The following TCF4 variants were observed in gnomAD, a reference collection of about 807,000 sequenced individuals.
The protein encoded by TCF4 is SL3-3 enhancer factor 2.
A neutral mutation model predicts 82.1 loss-of-function variants in TCF4; 3 were observed. The observed-to-expected ratio is 0.04, with a 90% confidence interval of 0.02 to 0.09. TCF4 has a LOEUF of 0.09. Among genes scored for constraint, TCF4 ranks in the 10% least tolerant of loss-of-function variants. The pLI is 1.00. For missense variants in TCF4, 518 were observed against 852.7 expected (o/e 0.61, Z 4.89); for synonymous variants, 276 against 309.6 (o/e 0.89, Z 1.14).
chr18:55,380,422 C>T (rs750132163), intron 6 of TCF4, among the ~76,000 whole-genome samples: 2 of 152,080 alleles, frequency 1.3e-5, no homozygotes, highest in African/African-American at 2.4e-5. Flanking sequence ...CTCCCCTCGT[C>T]CCCCACCGCT....
chr18:55,276,574 C>T (rs2061534607), intron 9 of TCF4, among the ~76,000 whole-genome samples: 1 of 152,126 alleles, frequency 6.6e-6, no homozygotes, highest in Non-Finnish European at 1.5e-5. Context: ...TATTGGCCTA[C>T]AGGTTATTAT....
intron 2 of TCF4, among the ~76,000 whole-genome samples, chr18:55,631,018 G>A (rs1460408553): frequency 6.6e-6 from 1 of 151,208 alleles, no homozygotes; most frequent in East Asian, 1.9e-4. Flanking sequence ...TTGGACATAT[G>A]CAACATGTTT....
intron 2 of TCF4, among the ~76,000 whole-genome samples, chr18:55,611,027 GAAAT>G: frequency 6.6e-6 from 1 of 152,326 alleles, no homozygotes; most frequent in South Asian, 2.1e-4. Flanking sequence ...AGCTGACTGA[GAAAT>G]AAGAGCAGAA....
chr18:55,544,518 C>T (rs1603620575), intron 3 of TCF4, among the ~76,000 whole-genome samples: 1 of 152,214 alleles, frequency 6.6e-6, no homozygotes, highest in African/African-American at 2.4e-5. Flanking sequence ...AGAATAAAAC[C>T]CCAAGATTCT....
At chr18:55,468,896 G>C (rs980680818) in intron 3 of TCF4, among the ~76,000 whole-genome samples, 1 of 96,056 alleles carries the variant, frequency 1.0e-5, no homozygotes, top group Non-Finnish European at 2.2e-5. Context: ...CCCCCCCCTT[G>C]TTCTATTGCC....
upstream of TCF4, chr18:55,589,906 GA>G: frequency 1.1e-6 from 1 of 918,608 alleles, no homozygotes; most frequent in Non-Finnish European, 1.3e-6. Flanking sequence ...AGCGCCTAGA[GA>G]GGCGGCCAAG....
At chr18:55,376,868 G>A (rs1458463507) in intron 6 of TCF4, among the ~76,000 whole-genome samples, 1 of 152,142 alleles carries the variant, frequency 6.6e-6, no homozygotes, top group Non-Finnish European at 1.5e-5. Context: ...TTTACAGATG[G>A]TAGAGAAACC....
intron 3 of TCF4, among the ~76,000 whole-genome samples, chr18:55,511,331 T>TAAAAAAAAAAAAAAAAA (rs59685050): frequency 1.5e-5 from 2 of 131,396 alleles, no homozygotes; most frequent in African/African-American, 2.8e-5. Flanking sequence ...TCCAAAAGTT[T>TAAAAAAAAAAAAAAAAA]AAAAAAAAAA....
At position 55,395,503 on chromosome 18, in the gene TCF4, A is replaced by G. The variant is rs141282761; in HGVS notation, c.369+7951T>C. On this transcript the variant is annotated intron_variant, in intron 6 of 19. Transcript: ENST00000354452. ...CTCAAAGCAATTTCAATGGCTTTTTATGCACTAACTGCCTGAACTGTTGTT... is the reference window on the plus strand; with the variant it reads ...CTCAAAGCAATTTCAATGGCTTTTTGTGCACTAACTGCCTGAACTGTTGTT... Among the ~76,000 whole-genome samples, 196 of 152,324 alleles carry G rather than the reference A, an allele frequency of 1.3e-3. 1 individual carries two copies. The highest frequency in any genetic ancestry group is 4.3e-3 in the African/African-American group (180 of 41,584).
intron 6 of TCF4, among the ~76,000 whole-genome samples, chr18:55,381,910 GT>G (rs770720823): frequency 2.7e-3 from 381 of 143,444 alleles, no homozygotes; most frequent in East Asian, 9.1e-3. Context: ...CTCTAGAAGG[GT>G]TTTTTTTTTT....
In TCF4 at chr18:55,327,489, CTAATT is replaced by C. The variant is rs530280549; in HGVS notation, c.549+22865_549+22869del. On this transcript the variant is annotated intron_variant, in intron 8 of 19. Coordinates refer to ENST00000354452, the MANE Select transcript of TCF4 (RefSeq NM_001083962.2). ...AAAATATCAGCGTAAACTGTGAAAT[CTAATT>C]TTATTTGTGTCTTTTTTAGTGACTT... Among the ~76,000 whole-genome samples the C allele has an allele frequency of 7.6e-4, 115 of 152,196 alleles. 1 individual carries two copies. The highest frequency in any genetic ancestry group is 2.7e-3 in the African/African-American group (111 of 41,562).
At chr18:55,275,985 GAAC>G (rs2061438405) in intron 9 of TCF4, among the ~76,000 whole-genome samples, 1 of 152,064 alleles carries the variant, frequency 6.6e-6, no homozygotes. Flanking sequence ...AACTGTAAAA[GAAC>G]AACAGAGTAT....
chr18:55,532,132 C>A (rs1210707266), intron 3 of TCF4, among the ~76,000 whole-genome samples: 5 of 152,126 alleles, frequency 3.3e-5, no homozygotes, highest in Non-Finnish European at 5.9e-5. Context: ...TCATTTTAAG[C>A]CACATAAGGT....
chr18:55,277,128 G>A (rs1343191732), intron 9 of TCF4, among the ~76,000 whole-genome samples: 1 of 152,030 alleles, frequency 6.6e-6, no homozygotes, highest in Non-Finnish European at 1.5e-5. Flanking sequence ...GAATTCTCAG[G>A]GCACCAAGTA....
chr18:55,509,334 G>GAC lies in TCF4; in HGVS notation c.146-45199_146-45198dup, dbSNP rs35790117. 1.2e-3 allele frequency among the ~76,000 whole-genome samples: 178 copies of GAC among 150,186 alleles called. 2 individuals carry two copies. Among genetic ancestry groups the GAC allele is most frequent in the African/African-American group, 2.8e-3 (116 of 40,946 alleles). ...GCAACATAAAACACTCACACAGACA[G>GAC]ACACACACACACACACACACAAACA... On this transcript the variant is annotated intron_variant, in intron 3 of 19. Transcript: ENST00000354452.
intron 3 of TCF4, among the ~76,000 whole-genome samples, chr18:55,582,299 C>T (rs574950830): frequency 1.4e-4 from 22 of 152,158 alleles, no homozygotes; most frequent in African/African-American, 5.3e-4. Flanking sequence ...AATGATATAA[C>T]GGATATTAAA....
chr18:55,362,297 C>A (rs552397619), intron 6 of TCF4, among the ~76,000 whole-genome samples: 2 of 142,448 alleles, frequency 1.4e-5, no homozygotes, highest in Admixed American at 1.5e-4. Context: ...GCCTGGGCAA[C>A]AGAATGAGAC....
chr18:55,272,462 C>T (rs141190923), intron 10 of TCF4, among the ~76,000 whole-genome samples: 34 of 152,110 alleles, frequency 2.2e-4, no homozygotes, highest in Non-Finnish European at 4.4e-5. Context: ...TGACAAAGTG[C>T]GAGGCTTTAC....
At chr18:55,308,329 G>T (rs1255259509) in intron 8 of TCF4, among the ~76,000 whole-genome samples, 3 of 152,178 alleles carry the variant, frequency 2.0e-5, no homozygotes. Flanking sequence ...ATTGCATGCT[G>T]CTGGGGACTG....
Sources: gnomAD v4.1 joint callset for allele counts (sites outside exome capture counted in the v4.1 genomes callset) on GRCh38, gnomAD v4.1.1 for gene constraint, MANE v1.5 for transcripts, NCBI Gene and HGNC (gene_info 2026-07-23, HGNC 2026-07-21) for gene names.